The following PRKD2 variants were observed in gnomAD, a reference collection of about 807,000 sequenced individuals.
PRKD2 encodes the protein protein kinase D2, also known as serine/threonine-protein kinase D2.
PRKD2 carries 22 observed loss-of-function variants against 86.0 expected under a neutral mutation model. That is an observed-to-expected ratio of 0.26 (90% confidence interval 0.18 to 0.37). The LOEUF (loss-of-function observed/expected upper bound fraction) is 0.37, where lower values mean the gene tolerates loss of function less well. Among genes scored for constraint, PRKD2 ranks in the 10% least tolerant of loss-of-function variants. The pLI is 1.00. For missense variants in PRKD2, 818 were observed against 1,199.2 expected, an observed-to-expected ratio of 0.68 and a Z score of 4.70; for synonymous variants, 509 against 510.9, an observed-to-expected ratio of 1.00 and a Z score of 0.05.
At chr19:46,687,193 G>A (rs990677610) in intron 14 of PRKD2, among the ~76,000 whole-genome samples, 1 of 151,852 alleles carries the variant, frequency 6.6e-6, no homozygotes, top group Non-Finnish European at 1.5e-5. Context: ...AGGAGTTGAA[G>A]ACCAGCCTGG....
chr19:46,687,865 G>A (rs1454072349), intron 14 of PRKD2, among the ~76,000 whole-genome samples: 2 of 152,036 alleles, frequency 1.3e-5, no homozygotes, highest in South Asian at 2.1e-4. Flanking sequence ...CTGCTTGCCC[G>A]TTTTTTCTAT....
At chr19:46,682,701 A>ATTTTTT (rs71177241) in intron 14 of PRKD2, among the ~76,000 whole-genome samples, 1 of 102,872 alleles carries the variant, frequency 9.7e-6, no homozygotes, top group Non-Finnish European at 2.0e-5. Flanking sequence ...ATGTGATTCT[A>ATTTTTT]TTTTTTTTTT....
intron 3 of PRKD2, 150 bp from the exon 4 acceptor site, chr19:46,704,799 G>A (rs2053690545): frequency 5.6e-6 from 6 of 1,070,018 alleles, no homozygotes; most frequent in East Asian, 2.6e-5. Flanking sequence ...ACTACTATCC[G>A]TAAGTGTATC....
chr19:46,704,458 C>T (rs775864434), intron 4 of PRKD2, 37 bp downstream of exon 4: 5 of 1,613,998 alleles, frequency 3.1e-6, no homozygotes, highest in East Asian at 2.2e-5. Flanking sequence ...AAGTCACCCC[C>T]CTAGCCACCA....
chr19:46,678,427 C>T lies in PRKD2; in HGVS notation c.2307G>A (p.Pro769=), dbSNP rs772365850. ...DQIQNAAFMY[P]ASPWSHISAG... is the part of the protein sequence containing the mutation. ...CTGAGATGTGGCTCCAGGGGCTGGC[C>T]GGGTACATGAAGGCGGCGTTCTGGA... The change falls in exon 16 of 18, where the codon CCG becomes CCA. Residue 769 remains proline (P), a synonymous_variant. Transcript: ENST00000291281. The surrounding 1 kb of genome is among the most constrained non-coding windows in gnomAD (Gnocchi z 5.7). 39 of 1,614,122 alleles carry T rather than the reference C, an allele frequency of 2.4e-5. No individual in the cohort carries two copies. The East Asian group carries it at 2.5e-4, about 10-fold the overall frequency.
chr19:46,713,864 C>A lies in PRKD2; in HGVS notation c.378G>T (p.Ser126=). The change falls in exon 2 of 18, where the codon TCG becomes TCT. Residue 126 remains serine, a splice_region_variant and synonymous_variant. Transcript: ENST00000291281. ...QEGDLVEVVL[S]ASATFEDFQI... The stretch of plus-strand genomic sequence containing the variant: ...CCCAGGCCGGCCACCACCTCTCACC[C>A]GACAGCACCACCTCCACCAGGTCGC... 6.3e-7 allele frequency: 1 copy of A among 1,594,838 alleles called. No individual in the cohort carries two copies. The highest frequency in any genetic ancestry group is 8.5e-7 in the Non-Finnish European group (1 of 1,170,886).
At chr19:46,714,611 G>A (rs986914179) in intron 1 of PRKD2, 2 of 152,270 alleles carry the variant, frequency 1.3e-5, no homozygotes, top group African/African-American at 4.8e-5. Flanking sequence ...AAACCTAGTA[G>A]AACAGAAAGT....
intron 17 of PRKD2, 107 bp downstream of exon 17, chr19:46,674,926 A>G: frequency 1.6e-6 from 2 of 1,264,530 alleles, no homozygotes; most frequent in South Asian, 1.4e-5. Context: ...GCCACATTCC[A>G]GACCCAAGGA....
At chr19:46,711,131 C>G (rs896514591) in intron 2 of PRKD2, 93 bp from the exon 3 acceptor site, 28 of 1,456,378 alleles carry the variant, frequency 1.9e-5, no homozygotes, top group Non-Finnish European at 2.3e-5. Context: ...GTGCTCCCAG[C>G]CGCAAGGTGT....
intron 12 of PRKD2, 28 bp downstream of exon 12, chr19:46,691,707 C>A (rs1170288727): frequency 6.2e-7 from 1 of 1,610,824 alleles, no homozygotes; most frequent in Non-Finnish European, 8.5e-7. Flanking sequence ...CCGGGGCTCC[C>A]TCTGGGTTAG....
intron 8 of PRKD2, 92 bp from the exon 9 acceptor site, chr19:46,697,326 G>A: frequency 1.1e-6 from 1 of 906,072 alleles, no homozygotes; most frequent in Non-Finnish European, 1.7e-6. Flanking sequence ...GGTGCCTGGA[G>A]CACCACGTGC....
At chr19:46,697,266 GC>G in intron 8 of PRKD2, 32 bp from the exon 9 acceptor site, 1 of 1,506,634 alleles carries the variant, frequency 6.6e-7, no homozygotes, top group African/African-American at 1.4e-5. Context: ...CACGTGAACC[GC>G]CAGACTTTCC....
intron 1 of PRKD2, chr19:46,714,255 TG>T: frequency 2.4e-6 from 3 of 1,274,450 alleles, no homozygotes; most frequent in South Asian, 4.1e-5. Flanking sequence ...GGAGGGAGAG[TG>T]GCTCCGGGAG....
At chr19:46,695,247 G>T (rs2053540285) in intron 9 of PRKD2, among the ~76,000 whole-genome samples, 1 of 152,174 alleles carries the variant, frequency 6.6e-6, no homozygotes, top group Admixed American at 6.5e-5. Context: ...AACACTTTGG[G>T]AGGCCAAGGC....
intron 16 of PRKD2, among the ~76,000 whole-genome samples, chr19:46,676,509 A>G (rs543977671): frequency 1.6e-4 from 25 of 152,352 alleles, no homozygotes; most frequent in Admixed American, 2.0e-4. Context: ...AGGCCTGTTC[A>G]TTGTGAAAAA....
intron 9 of PRKD2, among the ~76,000 whole-genome samples, chr19:46,696,846 G>C (rs929116042): frequency 6.6e-6 from 1 of 152,204 alleles, no homozygotes; most frequent in Non-Finnish European, 1.5e-5. Flanking sequence ...AAGCCAATTG[G>C]TTTAGTGGAT....
chr19:46,699,614 G>A (rs149358970), intron 7 of PRKD2, among the ~76,000 whole-genome samples: 18 of 152,306 alleles, frequency 1.2e-4, no homozygotes, highest in Non-Finnish European at 2.2e-4. Flanking sequence ...ACCCTCCAGC[G>A]CCTGTGTGAA....
intron 14 of PRKD2, among the ~76,000 whole-genome samples, chr19:46,686,512 G>C (rs564332880): frequency 2.6e-5 from 4 of 151,464 alleles, no homozygotes; most frequent in African/African-American, 9.7e-5. Flanking sequence ...TTAGCTGGAC[G>C]TGGTGGCTCA....
At chr19:46,689,383 C>CTATGT (rs2053450311) in intron 14 of PRKD2, among the ~76,000 whole-genome samples, 154 bp downstream of exon 14, 1 of 152,032 alleles carries the variant, frequency 6.6e-6, no homozygotes, top group East Asian at 1.9e-4. Flanking sequence ...GCTGGGATTA[C>CTATGT]GGGTGTGAGC....
Sources: gnomAD v4.1 joint callset for allele counts (sites outside exome capture counted in the v4.1 genomes callset) on GRCh38, gnomAD v4.1.1 for gene constraint, Gnocchi (gnomAD v3.1) non-coding constraint, MANE v1.5 for transcripts, NCBI Gene and HGNC (gene_info 2026-07-23, HGNC 2026-07-21) for gene names.